Variants in ZNF362 observed in about 807,000 individuals in gnomAD.
ZNF362 encodes rotund homolog.
ZNF362 carries 11 observed loss-of-function variants against 42.9 expected under a neutral mutation model. The ratio of observed to expected loss-of-function variants is 0.26; its 90% CI spans 0.16 to 0.42. The LOEUF (loss-of-function observed/expected upper bound fraction) is 0.42. Ranked by LOEUF, ZNF362 falls within the 20% of genes least tolerant of loss-of-function variation. The probability of loss-of-function intolerance (pLI) is 1.00; values close to 1 mark genes in which losing one functional copy is unlikely to be tolerated. For synonymous variants in ZNF362, 255 were observed against 257.3 expected (o/e 0.99, Z 0.09); for missense variants, 362 against 576.2 (o/e 0.63, Z 3.81).
At chr1:33,264,142 C>T (rs1645847922) in intron 1 of ZNF362, among the ~76,000 whole-genome samples, 1 of 152,164 alleles carries the variant, frequency 6.6e-6, no homozygotes, top group South Asian at 2.1e-4. Flanking sequence ...GTTCCCTGTC[C>T]AGGACCCCTG....
In ZNF362 at chr1:33,280,817, C is replaced by T. The variant is rs1645987791; in HGVS notation, c.683+360C>T. ...TGCACAATGGCTCATCCCTGTAATC[C>T]CAGCGCTTTGGGAGGCCAAGGCGGG... On this transcript the variant is annotated intron_variant, in intron 5 of 8. Coordinates refer to ENST00000539719, the MANE Select transcript of ZNF362 (RefSeq NM_152493.3). This position sits in a 1 kb window ranked among gnomAD's most constrained non-coding sequence, Gnocchi z 5.6. Among the ~76,000 whole-genome samples, 1 of 152,140 alleles carries T rather than the reference C, an allele frequency of 6.6e-6. No individual in the cohort carries two copies. Among genetic ancestry groups the T allele is most frequent in the Admixed American group, 6.5e-5 (1 of 15,268 alleles).
At chr1:33,242,270 C>T in the ZNF362 span, among the ~76,000 whole-genome samples, 1 of 152,002 alleles carries the variant, frequency 6.6e-6, no homozygotes, top group Non-Finnish European at 1.5e-5. Context: ...GAAGAGGAAC[C>T]AGCAAAATGA....
chr1:33,160,586 G>T, the ZNF362 span, among the ~76,000 whole-genome samples: 1 of 152,016 alleles, frequency 6.6e-6, no homozygotes, highest in Non-Finnish European at 1.5e-5. Flanking sequence ...TGTATTTTTA[G>T]TAGAGATGGG....
chr1:33,160,013 A>T, the ZNF362 span: 1 of 1,562,170 alleles, frequency 6.4e-7, no homozygotes, highest in South Asian at 1.1e-5. Context: ...TGAGAGGAGG[A>T]AATCGAGAGC....
chr1:33,263,340 G>GA (rs1645841870), intron 1 of ZNF362, among the ~76,000 whole-genome samples: 2 of 152,126 alleles, frequency 1.3e-5, no homozygotes, highest in Non-Finnish European at 2.9e-5. Flanking sequence ...TAGATGGGAG[G>GA]AAAACTGATG....
intron 2 of ZNF362, chr1:33,274,845 C>G: frequency 4.2e-6 from 3 of 706,554 alleles, no homozygotes; most frequent in Non-Finnish European, 5.2e-6. Context: ...TCAGTTTCTT[C>G]ACTGATAAAA....
chr1:33,186,379 C>T, the ZNF362 span, among the ~76,000 whole-genome samples: 1 of 151,878 alleles, frequency 6.6e-6, no homozygotes, highest in Non-Finnish European at 1.5e-5. Context: ...CTGTGATGTG[C>T]CTTAAGGAGA....
chr1:33,221,812 C>T, the ZNF362 span, among the ~76,000 whole-genome samples: 1 of 152,062 alleles, frequency 6.6e-6, no homozygotes, highest in East Asian at 1.9e-4. Flanking sequence ...ATAATCTCAC[C>T]CAGCATGAAC....
Position 33,281,522 on chromosome 1 carries a change from A to G in ZNF362, c.684-65A>G, listed in dbSNP as rs1645994251. On this transcript the variant is annotated intron_variant, in intron 5 of 8. Coordinates refer to ENST00000539719, the MANE Select transcript of ZNF362 (RefSeq NM_152493.3). The surrounding 1 kb of genome is among the most constrained non-coding windows in gnomAD (Gnocchi z 4.8). Reference sequence around the variant, plus strand: ...CAGGTGCAAGGTCTCTCTGATGTAGAAGGCCTCCCCTGAGATGGACAGTCT... The same window carrying G: ...CAGGTGCAAGGTCTCTCTGATGTAGGAGGCCTCCCCTGAGATGGACAGTCT... The G allele has an allele frequency of 2.6e-6, 4 of 1,520,070 alleles. No homozygotes were observed. In the South Asian group the frequency reaches 4.6e-5, roughly 17 times the overall value. The allele number at this position is 1,520,070 out of a possible 1,614,324, so 94.2% of individuals were successfully genotyped here.
chr1:33,209,840 G>T, the ZNF362 span, among the ~76,000 whole-genome samples: 2 of 151,910 alleles, frequency 1.3e-5, no homozygotes, highest in Admixed American at 1.3e-4. Flanking sequence ...CTTGCTAGTG[G>T]TCTATGAATT....
chr1:33,256,358 C>G (rs1418418244), upstream of ZNF362, among the ~76,000 whole-genome samples: 1 of 143,000 alleles, frequency 7.0e-6, no homozygotes, highest in East Asian at 2.1e-4. Flanking sequence ...GCCGGAGAGG[C>G]GGGGGCCCGA....
the ZNF362 span, among the ~76,000 whole-genome samples, chr1:33,174,583 GGA>G: frequency 6.6e-6 from 1 of 152,184 alleles, no homozygotes; most frequent in South Asian, 2.1e-4. Flanking sequence ...GTAGGCTGGG[GGA>G]GAGAGAGAGA....
the ZNF362 span, among the ~76,000 whole-genome samples, chr1:33,234,159 T>C: frequency 6.6e-6 from 1 of 152,186 alleles, no homozygotes; most frequent in African/African-American, 2.4e-5. Flanking sequence ...GGTACTGATG[T>C]GGCCTAAAGT....
chr1:33,192,579 G>A, the ZNF362 span, among the ~76,000 whole-genome samples: 1 of 152,182 alleles, frequency 6.6e-6, no homozygotes, highest in Admixed American at 6.5e-5. Flanking sequence ...GTTTATTAAC[G>A]GTTAATTTAG....
upstream of ZNF362, among the ~76,000 whole-genome samples, chr1:33,252,641 C>T (rs1400450718): frequency 2.6e-5 from 4 of 152,224 alleles, no homozygotes; most frequent in Non-Finnish European, 5.9e-5. Flanking sequence ...GAGCTGGGGT[C>T]TTCCTCACTG....
At chr1:33,263,167 C>T (rs191244162) in intron 1 of ZNF362, among the ~76,000 whole-genome samples, 76 of 152,368 alleles carry the variant, frequency 5.0e-4, no homozygotes, top group African/African-American at 1.7e-3. Context: ...CTAGCCGTTG[C>T]GCAGTGTGTC....
At chr1:33,127,540 C>A in the ZNF362 span, among the ~76,000 whole-genome samples, 11 of 152,214 alleles carry the variant, frequency 7.2e-5, no homozygotes, top group Non-Finnish European at 1.5e-4. Context: ...ACTGAGGCGG[C>A]GTGGGAAGCG....
rs1304412950 is a variant in ZNF362 at position 33,280,088 on chromosome 1, C to T, written c.350-36C>T. 3 of 1,525,980 alleles carry T rather than the reference C, an allele frequency of 2.0e-6. No individual in the cohort carries two copies. Among genetic ancestry groups the T allele is most frequent in the East Asian group, 2.3e-5 (1 of 43,904 alleles). The allele number at this position is 1,525,980 out of a possible 1,614,324, so 94.5% of individuals were successfully genotyped here. On this transcript the variant is annotated intron_variant, in intron 4 of 8. Coordinates refer to ENST00000539719, the MANE Select transcript of ZNF362 (RefSeq NM_152493.3). This position sits in a 1 kb window ranked among gnomAD's most constrained non-coding sequence, Gnocchi z 5.6. Reference sequence around the variant, plus strand: ...GGCAGCTGAGCTGGCCTCTGCAGCTCCGCTCACCCCTGCCCCCACCCACCT... The same window carrying T: ...GGCAGCTGAGCTGGCCTCTGCAGCTTCGCTCACCCCTGCCCCCACCCACCT...
At position 33,276,329 on chromosome 1, in the gene ZNF362, C is replaced by T. The variant is rs200506599; in HGVS notation, c.103-19C>T. On this transcript the variant is annotated intron_variant, in intron 3 of 8. Coordinates refer to ENST00000539719, the MANE Select transcript of ZNF362 (RefSeq NM_152493.3). Reference sequence around the variant, plus strand: ...GGAGGTGGTCCAGACCTCCTCAGCCCGTCCTCTTCTTCCCGCAGCTGGACA... The same window carrying T: ...GGAGGTGGTCCAGACCTCCTCAGCCTGTCCTCTTCTTCCCGCAGCTGGACA... The T allele has an allele frequency of 5.7e-5, 88 of 1,544,902 alleles. No individual in the cohort carries two copies. The Admixed American group carries it at 1.1e-3, about 19-fold the overall frequency.
Sources: gnomAD v4.1 joint callset for allele counts (sites outside exome capture counted in the v4.1 genomes callset) on GRCh38, gnomAD v4.1.1 for gene constraint, Gnocchi (gnomAD v3.1) non-coding constraint, MANE v1.5 for transcripts, NCBI Gene and HGNC (gene_info 2026-07-23, HGNC 2026-07-21) for gene names.